The following TMEM135 variants were observed in gnomAD, a reference collection of about 807,000 sequenced individuals.
The protein encoded by TMEM135 is peroxisomal membrane protein 52.
In TMEM135, 30 loss-of-function variants were observed where a neutral mutation model predicts 60.3. That is an observed-to-expected ratio of 0.50 (90% CI 0.37 to 0.68). TMEM135 has a LOEUF of 0.68. Among genes scored for constraint, TMEM135 ranks in the 30% least tolerant of loss-of-function variants. The pLI, the probability that TMEM135 is intolerant of heterozygous loss-of-function variation, is 0.00. For synonymous variants in TMEM135, 190 were observed against 186.7 expected (o/e 1.02, Z -0.14); for missense variants, 468 against 548.8 (o/e 0.85, Z 1.47).
intron 6 of TMEM135, among the ~76,000 whole-genome samples, chr11:87,252,498 C>A (rs552326099): frequency 3.9e-5 from 6 of 152,224 alleles, no homozygotes; most frequent in African/African-American, 7.2e-5. Context: ...TGGAGCCGGG[C>A]ACAGTGGCTC....
At chr11:87,053,858 T>G (rs1243151716) in intron 1 of TMEM135, among the ~76,000 whole-genome samples, 1 of 152,224 alleles carries the variant, frequency 6.6e-6, no homozygotes, top group Non-Finnish European at 1.5e-5. Context: ...TAATCTTAGT[T>G]TTCTTTCTAC....
At chr11:87,097,347 A>G (rs989191568) in intron 4 of TMEM135, among the ~76,000 whole-genome samples, 14 of 152,170 alleles carry the variant, frequency 9.2e-5, no homozygotes, top group African/African-American at 3.4e-4. Flanking sequence ...CCTAAAAGCA[A>G]CTGGAAAGTA....
At chr11:87,223,291 A>G (rs1321817094) in intron 5 of TMEM135, among the ~76,000 whole-genome samples, 1 of 150,928 alleles carries the variant, frequency 6.6e-6, no homozygotes, top group African/African-American at 2.4e-5. Context: ...CAGCCTCCCG[A>G]GTAGCTGTGA....
At chr11:87,141,041 T>C (rs931053261) in intron 4 of TMEM135, among the ~76,000 whole-genome samples, 7 of 88,722 alleles carry the variant, frequency 7.9e-5, no homozygotes, top group Non-Finnish European at 1.5e-4. Flanking sequence ...GCCAACTTTG[T>C]TCTTTTTTTT....
chr11:87,314,456 T>C lies in TMEM135; in HGVS notation c.1001-15T>C, dbSNP rs749128058. 2 of 1,595,304 alleles carry C rather than the reference T, an allele frequency of 1.3e-6. No individual in the cohort carries two copies. Among genetic ancestry groups the C allele is most frequent in the East Asian group, 2.2e-5 (1 of 44,552 alleles). ...CTCTGCGATCTTATCAGTTATTTCTTATTTCTTGTTTCAGGATTTTTGGCA... is the reference window on the plus strand; with the variant it reads ...CTCTGCGATCTTATCAGTTATTTCTCATTTCTTGTTTCAGGATTTTTGGCA... On this transcript the variant is annotated splice_polypyrimidine_tract_variant and intron_variant, in intron 11 of 14. Coordinates refer to ENST00000305494, the MANE Select transcript of TMEM135 (RefSeq NM_022918.4).
chr11:87,159,505 G>A (rs1411242534), intron 5 of TMEM135, among the ~76,000 whole-genome samples: 2 of 151,902 alleles, frequency 1.3e-5, no homozygotes, highest in Non-Finnish European at 2.9e-5. Context: ...AGTTAGGATA[G>A]GCCACTAATT....
intron 6 of TMEM135, among the ~76,000 whole-genome samples, chr11:87,251,786 T>G (rs960019041): frequency 6.6e-6 from 1 of 152,214 alleles, no homozygotes; most frequent in Non-Finnish European, 1.5e-5. Context: ...CGTGAGCACC[T>G]AGAACAGTGA....
rs151242491 is a variant in TMEM135 at position 87,136,687 on chromosome 11, C to G, written c.397-20654C>G. On this transcript the variant is annotated intron_variant, in intron 4 of 14. Transcript: ENST00000305494. ...TTTTTTTTTTTTGAAGACATTAGTG[C>G]TATTTAGGCTAAGTATTTCTTCTTG... Among the ~76,000 whole-genome samples the G allele has an allele frequency of 4.2e-3, 638 of 150,864 alleles. 1 individual carries two copies. Among genetic ancestry groups the G allele is most frequent in the Middle Eastern group, 0.014 (4 of 292 alleles).
In TMEM135 at chr11:87,293,373, T is replaced by G. The variant is rs1451113827; in HGVS notation, c.510-2409T>G. ...TGTTGCTTAATTGAAATTGAGTTTTTAAGTGTTTTTTTTTCTTCTTAAAAA... is the reference window on the plus strand; with the variant it reads ...TGTTGCTTAATTGAAATTGAGTTTTGAAGTGTTTTTTTTTCTTCTTAAAAA... On this transcript the variant is annotated intron_variant, in intron 6 of 14. Transcript: ENST00000305494. 3.5e-5 allele frequency among the ~76,000 whole-genome samples: 5 copies of G among 144,726 alleles called. No individual in the cohort carries two copies. The Admixed American group carries it at 3.5e-4, about 10-fold the overall frequency. 94.9% of individuals were successfully genotyped at this position (144,726 alleles called of 152,430 possible). A position where few individuals can be genotyped will look rare whatever the true frequency, so the allele number is the denominator to read the frequency against.
chr11:87,283,730 C>T (rs1308096782), intron 6 of TMEM135, among the ~76,000 whole-genome samples: 4 of 151,516 alleles, frequency 2.6e-5, no homozygotes, highest in Non-Finnish European at 2.9e-5. Context: ...TGGTGGCGGG[C>T]GCCTGTAATC....
chr11:87,058,829 C>G (rs1949918756), intron 1 of TMEM135, among the ~76,000 whole-genome samples: 1 of 151,652 alleles, frequency 6.6e-6, no homozygotes, highest in Admixed American at 6.6e-5. Context: ...ATCATGTTAG[C>G]CAGGATGGTC....
In TMEM135 at chr11:87,321,634, TAACA is replaced by T; in HGVS notation, c.*307_*310del. 1 of 536,342 alleles carries T rather than the reference TAACA, an allele frequency of 1.9e-6. No homozygotes were observed. Among genetic ancestry groups the T allele is most frequent in the Non-Finnish European group, 3.5e-6 (1 of 282,746 alleles). 33.2% of individuals were successfully genotyped at this position (536,342 alleles called of 1,614,324 possible). A position where few individuals can be genotyped will look rare whatever the true frequency, so the allele number is the denominator to read the frequency against. Reference sequence around the variant, plus strand: ...TTATATAATCTACGTAGAAGTGTAATAACAAACAAGAGTACACTTAAAATTACTT... The same window carrying T: ...TTATATAATCTACGTAGAAGTGTAATAACAAGAGTACACTTAAAATTACTT... On this transcript the variant is annotated 3_prime_UTR_variant, in exon 15 of 15. Coordinates refer to ENST00000305494, the MANE Select transcript of TMEM135 (RefSeq NM_022918.4).
intron 6 of TMEM135, among the ~76,000 whole-genome samples, chr11:87,269,868 G>A (rs1235589906): frequency 3.6e-5 from 5 of 137,498 alleles, no homozygotes; most frequent in African/African-American, 5.3e-5. Flanking sequence ...CCAGTAATGG[G>A]ATGGCTGGGT....
chr11:87,100,888 C>T (rs935647461), intron 4 of TMEM135, among the ~76,000 whole-genome samples: 9 of 151,962 alleles, frequency 5.9e-5, no homozygotes, highest in African/African-American at 2.2e-4. Context: ...AGAAAAAGAG[C>T]CATCAGATAC....
chr11:87,201,940 GTATT>G (rs1940102666), intron 5 of TMEM135, among the ~76,000 whole-genome samples: 1 of 136,282 alleles, frequency 7.3e-6, no homozygotes, highest in South Asian at 2.4e-4. Flanking sequence ...TTCACTTTTG[GTATT>G]TATTTTTTAT....
chr11:87,088,532 G>A (rs917928590), intron 3 of TMEM135, among the ~76,000 whole-genome samples: 3 of 152,078 alleles, frequency 2.0e-5, no homozygotes, highest in Non-Finnish European at 2.9e-5. Context: ...AAAAACTTCC[G>A]TGACTCTGAA....
chr11:87,292,191 A>G (rs1942277479), intron 6 of TMEM135, among the ~76,000 whole-genome samples: 2 of 152,342 alleles, frequency 1.3e-5, no homozygotes, highest in South Asian at 4.1e-4. Flanking sequence ...AAAGTAATGA[A>G]GCCTGACTAC....
At chr11:87,231,831 T>C (rs978044085) in intron 5 of TMEM135, among the ~76,000 whole-genome samples, 2 of 152,048 alleles carry the variant, frequency 1.3e-5, no homozygotes, top group East Asian at 1.9e-4. Context: ...AATTAAAATA[T>C]GTGAGATGAA....
intron 5 of TMEM135, among the ~76,000 whole-genome samples, chr11:87,231,243 T>C (rs1940884031): frequency 1.3e-5 from 2 of 152,124 alleles, no homozygotes; most frequent in African/African-American, 2.4e-5. Flanking sequence ...CTCAGCTGAT[T>C]ACTGAGTAGG....
Sources: allele counts gnomAD v4.1 joint callset (sites outside exome capture counted in the v4.1 genomes callset), GRCh38; gene constraint gnomAD v4.1.1; transcripts MANE v1.5; gene names NCBI Gene and HGNC (gene_info 2026-07-23, HGNC 2026-07-21).